The following TBC1D22A variants were observed in gnomAD, a reference collection of about 807,000 sequenced individuals.
The protein encoded by TBC1D22A is TBC1 domain family member 22A.
TBC1D22A carries 38 observed loss-of-function variants against 60.2 expected under a neutral mutation model. That is an observed-to-expected ratio of 0.63 (90% CI 0.49 to 0.83). TBC1D22A has a LOEUF of 0.83. Among genes scored for constraint, TBC1D22A ranks in the 40% least tolerant of loss-of-function variants. TBC1D22A has a pLI of 0.00. For synonymous variants in TBC1D22A, 302 were observed against 281.7 expected, an observed-to-expected ratio of 1.07 and a Z score of -0.72; for missense variants, 628 against 701.0, an observed-to-expected ratio of 0.90 and a Z score of 1.18.
chr22:46,970,350 G>A (rs372695854), intron 8 of TBC1D22A, among the ~76,000 whole-genome samples: 18 of 151,988 alleles, frequency 1.2e-4, no homozygotes, highest in African/African-American at 3.9e-4. Context: ...CCTTTCAATC[G>A]CGTTTCTTCC....
At chr22:47,037,021 C>T in intron 10 of TBC1D22A, 50 bp from the exon 11 acceptor site, 1 of 1,608,448 alleles carries the variant, frequency 6.2e-7, no homozygotes, top group Non-Finnish European at 8.5e-7. Flanking sequence ...CTGCCAGTGC[C>T]TCCATAGGGC....
At chr22:46,775,484 C>A (rs1569013955) in intron 1 of TBC1D22A, among the ~76,000 whole-genome samples, 1 of 152,146 alleles carries the variant, frequency 6.6e-6, no homozygotes, top group Non-Finnish European at 1.5e-5. Flanking sequence ...CAGAGCGCCA[C>A]CTCTTCTGTT....
intron 10 of TBC1D22A, 99 bp from the exon 11 acceptor site, chr22:47,036,972 C>A: frequency 6.7e-7 from 1 of 1,487,426 alleles, no homozygotes; most frequent in Non-Finnish European, 9.2e-7. Context: ...GAGTGGGGTT[C>A]TGAGGCGGGC....
intron 8 of TBC1D22A, among the ~76,000 whole-genome samples, chr22:46,955,666 A>G (rs1040968156): frequency 1.3e-5 from 2 of 152,254 alleles, no homozygotes; most frequent in African/African-American, 4.8e-5. Context: ...TTCACAGGTA[A>G]TGAAAATGCA....
chr22:46,763,628 T>G (rs1468989233), intron 1 of TBC1D22A: 1 of 152,122 alleles, frequency 6.6e-6, no homozygotes, highest in Non-Finnish European at 1.5e-5. Context: ...AACATAGTTC[T>G]GTTCCAAAGC....
intron 12 of TBC1D22A, among the ~76,000 whole-genome samples, chr22:47,140,520 C>T (rs1465329875): frequency 2.7e-5 from 4 of 149,364 alleles, no homozygotes; most frequent in Non-Finnish European, 5.9e-5. Flanking sequence ...TGCCACTGCA[C>T]TCCAGCCTGG....
intron 10 of TBC1D22A, among the ~76,000 whole-genome samples, chr22:46,998,880 TCACCGCACGCTC>T (rs529778753): frequency 2.0e-5 from 3 of 152,380 alleles, no homozygotes; most frequent in South Asian, 4.1e-4. Context: ...TCATGTGCGC[TCACCGCACGCTC>T]CACCGCGCGG....
intron 11 of TBC1D22A, among the ~76,000 whole-genome samples, chr22:47,042,761 A>G (rs1265818507): frequency 6.6e-6 from 1 of 152,260 alleles, no homozygotes; most frequent in Non-Finnish European, 1.5e-5. Flanking sequence ...TCCCAGAGGT[A>G]GCTTTGATCA....
intron 11 of TBC1D22A, among the ~76,000 whole-genome samples, chr22:47,079,743 T>C (rs1266176432): frequency 6.6e-6 from 1 of 152,110 alleles, no homozygotes; most frequent in East Asian, 1.9e-4. Context: ...GAAGAGAACA[T>C]CAAAAGCAAC....
chr22:46,826,749 G>C (rs1318277498), intron 4 of TBC1D22A, among the ~76,000 whole-genome samples: 5 of 152,106 alleles, frequency 3.3e-5, no homozygotes, highest in Non-Finnish European at 7.4e-5. Flanking sequence ...TTAGAGATGA[G>C]GACATGAGTT....
At chr22:46,830,022 A>G (rs1602055554) in intron 4 of TBC1D22A, among the ~76,000 whole-genome samples, 1 of 152,362 alleles carries the variant, frequency 6.6e-6, no homozygotes, top group East Asian at 1.9e-4. Context: ...GGCGAGAGAC[A>G]GAATGTCTGC....
At chr22:47,059,430 G>A (rs1338326004) in intron 11 of TBC1D22A, among the ~76,000 whole-genome samples, 2 of 152,190 alleles carry the variant, frequency 1.3e-5, no homozygotes, top group African/African-American at 4.8e-5. Flanking sequence ...ATAGCTTTGC[G>A]CCTTCTTTCC....
chr22:46,800,701 A>G (rs2084860633), intron 4 of TBC1D22A, among the ~76,000 whole-genome samples: 2 of 152,244 alleles, frequency 1.3e-5, no homozygotes, highest in African/African-American at 4.8e-5. Context: ...AGTGCCTAGC[A>G]CATACTAAAC....
intron 10 of TBC1D22A, among the ~76,000 whole-genome samples, chr22:47,031,901 T>A (rs2062486707): frequency 6.6e-6 from 1 of 152,184 alleles, no homozygotes; most frequent in South Asian, 2.1e-4. Context: ...GCCTCTGTGC[T>A]TTCCACCCCT....
chr22:47,016,395 C>T (rs1005669139), intron 10 of TBC1D22A, among the ~76,000 whole-genome samples: 3 of 152,188 alleles, frequency 2.0e-5, no homozygotes, highest in Admixed American at 6.5e-5. Context: ...GGCCCTCCCC[C>T]AAGGAACCCT....
intron 7 of TBC1D22A, among the ~76,000 whole-genome samples, chr22:46,898,788 T>C (rs930486887): frequency 6.6e-6 from 1 of 152,202 alleles, no homozygotes; most frequent in Non-Finnish European, 1.5e-5. Flanking sequence ...GGGGGAGGCA[T>C]GTAGCTTCAT....
chr22:46,763,891 T>C (rs1402328128), intron 1 of TBC1D22A: 2 of 152,204 alleles, frequency 1.3e-5, no homozygotes, highest in Non-Finnish European at 2.9e-5. Context: ...GGTCAGGAGT[T>C]TGAGACCAGC....
intron 10 of TBC1D22A, among the ~76,000 whole-genome samples, chr22:47,020,941 G>A (rs1043741042): frequency 2.0e-5 from 3 of 152,154 alleles, no homozygotes; most frequent in Admixed American, 6.5e-5. Context: ...GAAGTAAGGG[G>A]CTGGCCAGAG....
chr22:47,042,945 T>C (rs2062898865), intron 11 of TBC1D22A, among the ~76,000 whole-genome samples: 1 of 152,234 alleles, frequency 6.6e-6, no homozygotes, highest in Non-Finnish European at 1.5e-5. Context: ...ACTTTGCAGA[T>C]GTCCCTGATA....
Sources: gnomAD v4.1 joint callset for allele counts (sites outside exome capture counted in the v4.1 genomes callset) on GRCh38, gnomAD v4.1.1 for gene constraint, MANE v1.5 for transcripts, NCBI Gene and HGNC (gene_info 2026-07-23, HGNC 2026-07-21) for gene names.